WDPCP: variants seen among roughly 807,000 people sequenced by gnomAD.
WDPCP encodes WD repeat containing planar cell polarity effector.
In WDPCP, 71 loss-of-function variants were observed where a neutral mutation model predicts 93.1. The ratio of observed to expected loss-of-function variants is 0.76; its 90% CI spans 0.63 to 0.93. The LOEUF (loss-of-function observed/expected upper bound fraction) is 0.93, where lower values mean the gene tolerates loss of function less well. Among genes scored for constraint, WDPCP ranks in the 40% least tolerant of loss-of-function variants. The pLI is 0.00. For synonymous variants in WDPCP, 315 were observed against 315.0 expected (o/e 1.00, Z 0.00); for missense variants, 844 against 887.4 (o/e 0.95, Z 0.62).
intron 12 of WDPCP, among the ~76,000 whole-genome samples, chr2:63,317,732 G>A (rs544902795): frequency 1.4e-4 from 21 of 152,134 alleles, no homozygotes; most frequent in African/African-American, 2.6e-4. Context: ...TTGAAACTAC[G>A]CCCCTTCCTT....
chr2:63,684,877 T>C (rs897568832), intron 2 of WDPCP, among the ~76,000 whole-genome samples: 1 of 152,124 alleles, frequency 6.6e-6, no homozygotes, highest in African/African-American at 2.4e-5. Flanking sequence ...GAATAACCAG[T>C]GAGTCAATGA....
At chr2:63,831,441 A>G (rs1671197632), upstream of WDPCP, among the ~76,000 whole-genome samples, 1 of 152,114 alleles carries the variant, frequency 6.6e-6, no homozygotes, top group Non-Finnish European at 1.5e-5. Context: ...TCCACAGGTC[A>G]TTATATGGCT....
chr2:63,419,465 T>C (rs551959865), intron 9 of WDPCP, among the ~76,000 whole-genome samples: 4 of 152,266 alleles, frequency 2.6e-5, no homozygotes, highest in East Asian at 3.9e-4. Flanking sequence ...AAAGTGATTG[T>C]TTCAGCCAAC....
chr2:63,697,625 G>A (rs1226254326), intron 2 of WDPCP, among the ~76,000 whole-genome samples: 1 of 152,026 alleles, frequency 6.6e-6, no homozygotes, highest in African/African-American at 2.4e-5. Flanking sequence ...TTTCTATAAT[G>A]TCTATATTTT....
chr2:63,428,713 T>C (rs1347879882), intron 9 of WDPCP, among the ~76,000 whole-genome samples: 2 of 152,160 alleles, frequency 1.3e-5, no homozygotes, highest in Non-Finnish European at 1.5e-5. Context: ...AATATAGTAC[T>C]GGAAGTCCTT....
chr2:63,610,291 T>C (rs1709600887), intron 3 of WDPCP, among the ~76,000 whole-genome samples: 1 of 152,224 alleles, frequency 6.6e-6, no homozygotes, highest in South Asian at 2.1e-4. Context: ...AGGTACAATC[T>C]GTATAAACCT....
At chr2:63,198,966 A>G (rs931964666) in intron 14 of WDPCP, among the ~76,000 whole-genome samples, 2 of 152,146 alleles carry the variant, frequency 1.3e-5, no homozygotes, top group African/African-American at 4.8e-5. Flanking sequence ...GGAGATGGAA[A>G]CTTACTGGGA....
chr2:63,274,669 A>T (rs933950492), intron 13 of WDPCP, among the ~76,000 whole-genome samples: 1 of 152,186 alleles, frequency 6.6e-6, no homozygotes, highest in African/African-American at 2.4e-5. Context: ...TGAGACTTTT[A>T]TGAACAACTA....
At chr2:63,232,719 T>C (rs1352717888) in intron 14 of WDPCP, 1 of 153,232 alleles carries the variant, frequency 6.5e-6, no homozygotes, top group Non-Finnish European at 1.5e-5. Context: ...TCAATCACAT[T>C]AAGCTTAACC....
Position 63,377,263 on chromosome 2 carries a change from A to C in WDPCP, c.1748+1123T>G, listed in dbSNP as rs1691921210. ...CAGGAGTTTCTGAGAAAAAAATAAGAGAATATACATCAAAGCCCTTGAAAG... is the reference window on the plus strand; with the variant it reads ...CAGGAGTTTCTGAGAAAAAAATAAGCGAATATACATCAAAGCCCTTGAAAG... On this transcript the variant is annotated intron_variant, in intron 12 of 17. Coordinates refer to ENST00000272321, the MANE Select transcript of WDPCP (RefSeq NM_015910.7). Among the ~76,000 whole-genome samples, 3 of 151,922 alleles carry C rather than the reference A, an allele frequency of 2.0e-5. No individual in the cohort carries two copies. In the South Asian group the frequency reaches 6.2e-4, roughly 31 times the overall value.
In WDPCP at chr2:63,659,346, G is replaced by A. The variant is rs147271976; in HGVS notation, n.309-8508C>T. Among the ~76,000 whole-genome samples the A allele has an allele frequency of 2.6e-5, 4 of 152,324 alleles. No homozygotes were observed. In the East Asian group the frequency reaches 7.7e-4, roughly 29 times the overall value. ...CATCCTAATCCCTGAAACTTGTGAT[G>A]TTACCTTATTCGGAAAAGAGGACTT... is the stretch of plus-strand genomic sequence containing the variant. On this transcript the variant is annotated intron_variant and non_coding_transcript_variant, in intron 2 of 4. Coordinates refer to the WDPCP transcript ENST00000467687.
chr2:63,185,183 T>C (rs965579914), intron 14 of WDPCP, among the ~76,000 whole-genome samples: 4 of 152,250 alleles, frequency 2.6e-5, no homozygotes, highest in African/African-American at 9.6e-5. Flanking sequence ...ATTGAGCTTC[T>C]ATAAAATCAA....
At chr2:63,730,790 A>G (rs921687291) in intron 2 of WDPCP, among the ~76,000 whole-genome samples, 2 of 152,166 alleles carry the variant, frequency 1.3e-5, no homozygotes, top group African/African-American at 4.8e-5. Context: ...GTGAAAAGAT[A>G]ATGATTTACT....
intron 2 of WDPCP, among the ~76,000 whole-genome samples, chr2:63,759,514 T>C (rs759868142): frequency 2.0e-5 from 3 of 152,248 alleles, no homozygotes; most frequent in Non-Finnish European, 4.4e-5. Context: ...AAACATGTAT[T>C]GTTACAGGAA....
At chr2:63,620,463 G>A (rs926620206) in intron 3 of WDPCP, among the ~76,000 whole-genome samples, 8 of 152,240 alleles carry the variant, frequency 5.3e-5, no homozygotes, top group Non-Finnish European at 8.8e-5. Flanking sequence ...TAACCAGACT[G>A]CCTCTCTAGA....
intron 14 of WDPCP, among the ~76,000 whole-genome samples, chr2:63,222,753 A>C (rs560979381): frequency 4.6e-5 from 7 of 152,282 alleles, no homozygotes; most frequent in African/African-American, 1.7e-4. Flanking sequence ...TAAATAATTT[A>C]TGTCTTTTAG....
chr2:63,484,195 G>T lies in WDPCP; in HGVS notation c.384+409C>A, dbSNP rs138319148. 4.8e-3 allele frequency among the ~76,000 whole-genome samples: 729 copies of T among 152,084 alleles called. 4 individuals are homozygous for T. The highest frequency in any genetic ancestry group is 7.2e-3 in the Non-Finnish European group (490 of 67,926). On this transcript the variant is annotated intron_variant, in intron 6 of 17. Coordinates refer to ENST00000272321, the MANE Select transcript of WDPCP (RefSeq NM_015910.7). Reference sequence around the variant, plus strand: ...TGATAGGTCTAACTGTATGTAGTCGGCTTGTTGATTTGCATAAGCAATGAT... The same window carrying T: ...TGATAGGTCTAACTGTATGTAGTCGTCTTGTTGATTTGCATAAGCAATGAT...
At chr2:63,590,722 C>G (rs1709181043), upstream of WDPCP, 1 of 152,166 alleles carries the variant, frequency 6.6e-6, no homozygotes, top group Admixed American at 6.5e-5. Context: ...AAGGCCCCAC[C>G]GTTGGAAGGT....
chr2:63,490,002 C>T (rs538419828), intron 2 of WDPCP, among the ~76,000 whole-genome samples: 2 of 151,406 alleles, frequency 1.3e-5, no homozygotes, highest in African/African-American at 4.8e-5. Flanking sequence ...AAATGCATAA[C>T]CTGAATCTAA....
Sources: allele counts gnomAD v4.1 joint callset (sites outside exome capture counted in the v4.1 genomes callset), GRCh38; gene constraint gnomAD v4.1.1; transcripts MANE v1.5; gene names NCBI Gene and HGNC (gene_info 2026-07-23, HGNC 2026-07-21).